The following ZFPM2 variants were observed in gnomAD, a reference collection of about 807,000 sequenced individuals.
The protein encoded by ZFPM2 is zinc finger protein ZFPM2.
In ZFPM2, 20 loss-of-function variants were observed where a neutral mutation model predicts 98.6. The ratio of observed to expected loss-of-function variants is 0.20; its 90% confidence interval spans 0.14 to 0.29. ZFPM2 has a LOEUF of 0.29. Ranked by LOEUF, ZFPM2 falls within the 10% of genes least tolerant of loss-of-function variation. The probability of loss-of-function intolerance (pLI) is 1.00; values close to 1 mark genes in which losing one functional copy is unlikely to be tolerated. For synonymous variants in ZFPM2, 518 were observed against 502.7 expected (o/e 1.03, Z -0.41); for missense variants, 1,310 against 1,388.6 (o/e 0.94, Z 0.90).
chr8:105,563,955 T>A (rs898828514), intron 4 of ZFPM2, among the ~76,000 whole-genome samples: 8 of 152,148 alleles, frequency 5.3e-5, no homozygotes, highest in Non-Finnish European at 1.2e-4. Context: ...TTTTGATTAA[T>A]CTTGCTATTA....
intron 5 of ZFPM2, among the ~76,000 whole-genome samples, chr8:105,648,972 A>G (rs1817112342): frequency 6.6e-6 from 1 of 152,142 alleles, no homozygotes; most frequent in Non-Finnish European, 1.5e-5. Flanking sequence ...CTTGGGTAGT[A>G]TGGCTATTTT....
At chr8:105,436,303 T>TGA (rs1437092038) in intron 2 of ZFPM2, among the ~76,000 whole-genome samples, 2 of 152,072 alleles carry the variant, frequency 1.3e-5, no homozygotes, top group African/African-American at 4.8e-5. Context: ...GCTGGTCACC[T>TGA]GAGGTCGGGA....
chr8:105,319,178 G>A (rs1389925421), intron 1 of ZFPM2, among the ~76,000 whole-genome samples, 197 bp downstream of exon 1: 3 of 152,128 alleles, frequency 2.0e-5, no homozygotes, highest in Admixed American at 6.5e-5. Flanking sequence ...CGAGCCTCGG[G>A]CAGGAGAGAG....
At chr8:105,551,578 T>A (rs1222808386) in intron 3 of ZFPM2, among the ~76,000 whole-genome samples, 1 of 152,216 alleles carries the variant, frequency 6.6e-6, no homozygotes, top group Admixed American at 6.5e-5. Context: ...ATGAGCTCCC[T>A]GGGTTAGACT....
chr8:105,794,182 GT>G (rs1465153333), intron 6 of ZFPM2, among the ~76,000 whole-genome samples: 1 of 152,058 alleles, frequency 6.6e-6, no homozygotes, highest in South Asian at 2.1e-4. Context: ...TTTCTGCTTT[GT>G]TTTTTCCCCA....
At chr8:105,519,114 C>T (rs1563696106) in intron 3 of ZFPM2, among the ~76,000 whole-genome samples, 1 of 152,120 alleles carries the variant, frequency 6.6e-6, no homozygotes, top group Non-Finnish European at 1.5e-5. Flanking sequence ...AACAGCATCT[C>T]CATTTTATAT....
At chr8:105,386,206 C>T (rs1440227282) in intron 1 of ZFPM2, among the ~76,000 whole-genome samples, 2 of 151,988 alleles carry the variant, frequency 1.3e-5, no homozygotes, top group Non-Finnish European at 2.9e-5. Flanking sequence ...AGAGCCCAAC[C>T]GAAAGTAGGG....
chr8:105,648,553 T>TTCAA, intron 5 of ZFPM2, among the ~76,000 whole-genome samples: 1 of 152,322 alleles, frequency 6.6e-6, no homozygotes, highest in East Asian at 1.9e-4. Context: ...TTAATTTTTA[T>TTCAA]GTAAGGTGTA....
intron 3 of ZFPM2, among the ~76,000 whole-genome samples, chr8:105,467,798 A>T (rs1812822015): frequency 6.6e-6 from 1 of 152,018 alleles, no homozygotes; most frequent in Non-Finnish European, 1.5e-5. Flanking sequence ...TATGCATGAA[A>T]ATATGCTACC....
intron 3 of ZFPM2, among the ~76,000 whole-genome samples, chr8:105,457,467 G>C (rs950953985): frequency 6.6e-6 from 1 of 152,168 alleles, no homozygotes; most frequent in African/African-American, 2.4e-5. Context: ...ACCTTCAAAA[G>C]CTCACAGTAC....
intron 6 of ZFPM2, among the ~76,000 whole-genome samples, chr8:105,795,544 A>G (rs1235838748): frequency 2.0e-5 from 3 of 152,090 alleles, no homozygotes; most frequent in Admixed American, 6.5e-5. Flanking sequence ...TTGATTAGAT[A>G]TACTAACAAA....
Position 105,376,597 on chromosome 8 carries a change from G to A in ZFPM2, c.41-42547G>A, listed in dbSNP as rs1164773745. On this transcript the variant is annotated intron_variant, in intron 1 of 7. Transcript: ENST00000407775. ...CTCACAAATCTGTTCCTCTTCAATT[G>A]TTTCATCTCAGCCAATTTCATCAAC... Among the ~76,000 whole-genome samples the A allele has an allele frequency of 2.0e-5, 3 of 152,068 alleles. No individual in the cohort carries two copies. The East Asian group carries it at 5.8e-4, about 29-fold the overall frequency.
chr8:105,592,153 G>A (rs1001548472), intron 4 of ZFPM2, among the ~76,000 whole-genome samples: 3 of 151,876 alleles, frequency 2.0e-5, no homozygotes, highest in Non-Finnish European at 2.9e-5. Context: ...AAGAAAGGAG[G>A]GAGACTCAAA....
At chr8:105,511,589 A>C (rs1262142183) in intron 3 of ZFPM2, among the ~76,000 whole-genome samples, 1 of 152,244 alleles carries the variant, frequency 6.6e-6, no homozygotes, top group Admixed American at 6.5e-5. Context: ...TTCTGAACTC[A>C]TCACATTGCT....
At chr8:105,423,856 G>A (rs1381051716) in intron 2 of ZFPM2, among the ~76,000 whole-genome samples, 1 of 152,184 alleles carries the variant, frequency 6.6e-6, no homozygotes, top group Non-Finnish European at 1.5e-5. Flanking sequence ...GATTGGCGTG[G>A]AGCAGTTCTA....
At chr8:105,573,215 A>G (rs1460995167) in intron 4 of ZFPM2, among the ~76,000 whole-genome samples, 3 of 152,234 alleles carry the variant, frequency 2.0e-5, no homozygotes, top group Middle Eastern at 3.4e-3. Flanking sequence ...AGCAGATGAG[A>G]GCATAGGACA....
rs566606986 is a variant in ZFPM2 at position 105,494,290 on chromosome 8, T to C, written c.301+49909T>C. On this transcript the variant is annotated intron_variant, in intron 3 of 7. Coordinates refer to ENST00000407775, the MANE Select transcript of ZFPM2 (RefSeq NM_012082.4). ...CTTTCCTTCCAAATCAACTACTCTTTTTGCATTACACTTTTCCGTGGAAAC... is the reference window on the plus strand; with the variant it reads ...CTTTCCTTCCAAATCAACTACTCTTCTTGCATTACACTTTTCCGTGGAAAC... 6.1e-4 allele frequency among the ~76,000 whole-genome samples: 90 copies of C among 148,118 alleles called. 1 individual carries two copies. In the South Asian group the frequency reaches 0.019, roughly 31 times the overall value.
chr8:105,482,564 C>G (rs76929244), intron 3 of ZFPM2, among the ~76,000 whole-genome samples: 1 of 151,958 alleles, frequency 6.6e-6, no homozygotes, highest in Admixed American at 6.6e-5. Flanking sequence ...TCCCCTCTAC[C>G]AACTTAGCAG....
rs1398103943 is a variant in ZFPM2, at chr8:105,456,775, C to T, written c.301+12394C>T. Among the ~76,000 whole-genome samples the T allele has an allele frequency of 3.9e-5, 6 of 152,030 alleles. No individual in the cohort carries two copies. The South Asian group carries it at 6.2e-4, about 16-fold the overall frequency. ...GCAACCTCTGCCTCCTGGGTTCAAG[C>T]GATTCTCCTGCCTCAGCCTCCTGAA... On this transcript the variant is annotated intron_variant, in intron 3 of 7. Transcript: ENST00000407775.
Sources: allele counts gnomAD v4.1 joint callset (sites outside exome capture counted in the v4.1 genomes callset), GRCh38; gene constraint gnomAD v4.1.1; transcripts MANE v1.5; gene names NCBI Gene and HGNC (gene_info 2026-07-23, HGNC 2026-07-21).